Variants in MAP3K1 observed in about 807,000 individuals in gnomAD.
The protein encoded by MAP3K1 is mitogen-activated protein kinase kinase kinase 1, also known as MAP/ERK kinase kinase 1.
A neutral mutation model predicts 144.2 loss-of-function variants in MAP3K1; 36 were observed. The observed-to-expected ratio is 0.25, with a 90% confidence interval of 0.19 to 0.33. The LOEUF (loss-of-function observed/expected upper bound fraction) is 0.33, where lower values mean the gene tolerates loss of function less well. Ranked by LOEUF, MAP3K1 falls within the 10% of genes least tolerant of loss-of-function variation. The pLI, the probability that MAP3K1 is intolerant of heterozygous loss-of-function variation, is 1.00. For missense variants in MAP3K1, 1,650 were observed against 1,881.9 expected, an observed-to-expected ratio of 0.88 and a Z score of 2.28; for synonymous variants, 718 against 688.7, an observed-to-expected ratio of 1.04 and a Z score of -0.67.
chr5:56,855,864 G>A (rs1285353054), intron 1 of MAP3K1, among the ~76,000 whole-genome samples: 1 of 152,144 alleles, frequency 6.6e-6, no homozygotes, highest in Non-Finnish European at 1.5e-5. Context: ...TGCATATCGT[G>A]TATGCATGTA....
intron 1 of MAP3K1, among the ~76,000 whole-genome samples, chr5:56,840,961 C>T (rs546161332): frequency 5.3e-5 from 8 of 151,664 alleles, no homozygotes; most frequent in South Asian, 4.2e-4. Context: ...CTGTAACCTC[C>T]GCTTCCCGAG....
At chr5:56,859,079 A>C (rs541450139) in intron 2 of MAP3K1, among the ~76,000 whole-genome samples, 94 of 151,924 alleles carry the variant, frequency 6.2e-4, no homozygotes, top group African/African-American at 2.2e-3. Context: ...AAAAAAAAAA[A>C]AAAAAGGCAG....
intron 5 of MAP3K1, 53 bp downstream of exon 5, chr5:56,865,509 A>G: frequency 9.5e-7 from 1 of 1,051,666 alleles, no homozygotes. Flanking sequence ...CTTAGGATAT[A>G]TTCTTAAAAT....
At chr5:56,834,347 T>C (rs1746581232) in intron 1 of MAP3K1, among the ~76,000 whole-genome samples, 1 of 152,228 alleles carries the variant, frequency 6.6e-6, no homozygotes, top group South Asian at 2.1e-4. Context: ...AGTTATTGAT[T>C]ACTTGTAGCT....
At chr5:56,825,286 T>G (rs1172934201) in intron 1 of MAP3K1, among the ~76,000 whole-genome samples, 1 of 152,198 alleles carries the variant, frequency 6.6e-6, no homozygotes, top group Non-Finnish European at 1.5e-5. Context: ...GTGCTGAGAT[T>G]ACAGGTGTGA....
At chr5:56,829,693 A>G (rs1018366705) in intron 1 of MAP3K1, among the ~76,000 whole-genome samples, 10 of 152,208 alleles carry the variant, frequency 6.6e-5, no homozygotes, top group African/African-American at 2.4e-4. Context: ...CTGTGCTGCT[A>G]GCACGTGATT....
intron 1 of MAP3K1, among the ~76,000 whole-genome samples, chr5:56,833,671 T>G (rs1361764161): frequency 6.6e-6 from 1 of 152,170 alleles, no homozygotes; most frequent in Non-Finnish European, 1.5e-5. Flanking sequence ...GGAAAGCTGG[T>G]TTTCATTTCC....
chr5:56,820,330 T>TTCCACTAC, intron 1 of MAP3K1: 1 of 634,888 alleles, frequency 1.6e-6, no homozygotes, highest in South Asian at 7.0e-5. Context: ...GTCCATTTCT[T>TTCCACTAC]TCCACTACTC....
At chr5:56,817,097 T>A in intron 1 of MAP3K1, 1 of 985,436 alleles carries the variant, frequency 1.0e-6, no homozygotes, top group Non-Finnish European at 1.2e-6. Context: ...CTGGTGCATA[T>A]GAAGTACAGT....
chr5:56,816,257 G>T (rs1195363058), intron 1 of MAP3K1, among the ~76,000 whole-genome samples: 1 of 152,006 alleles, frequency 6.6e-6, no homozygotes, highest in East Asian at 1.9e-4. Context: ...ACCGGACGGG[G>T]ACGTGCGGAA....
At chr5:56,832,338 G>A (rs1214805789) in intron 1 of MAP3K1, among the ~76,000 whole-genome samples, 1 of 152,180 alleles carries the variant, frequency 6.6e-6, no homozygotes, top group Non-Finnish European at 1.5e-5. Context: ...TCCTACTTCA[G>A]TACAGTGCTG....
rs1455127720 is a variant in MAP3K1, at chr5:56,816,015, G to A, written c.442G>A (p.Ala148Thr). The A allele has an allele frequency of 4.1e-6, 5 of 1,224,600 alleles. No homozygotes were observed. Among genetic ancestry groups the A allele is most frequent in the Non-Finnish European group, 5.1e-6 (5 of 985,086 alleles). The allele number at this position is 1,224,600 out of a possible 1,614,324, so 75.9% of individuals were successfully genotyped here. A position where few individuals can be genotyped will look rare whatever the true frequency, so the allele number is the denominator to read the frequency against. ...PAAAEPGEKR[A>T]PAAEPSPAAA... is the part of the protein sequence containing the mutation. ...AGCGGCCGAGCCCGGGGAGAAGCGG[G>A]CGCCCGCCGCCGAGCCGTCTCCTGC... is the stretch of plus-strand genomic sequence containing the variant. The change falls in exon 1 of 20, where the codon GCG becomes ACG. Residue 148 changes from alanine (A) to threonine (T), a missense_variant. Coordinates refer to ENST00000399503, the MANE Select transcript of MAP3K1 (RefSeq NM_005921.2).
intron 10 of MAP3K1, among the ~76,000 whole-genome samples, 170 bp downstream of exon 10, chr5:56,875,480 A>C (rs1747996015): frequency 6.6e-6 from 1 of 152,076 alleles, no homozygotes; most frequent in Admixed American, 6.6e-5. Flanking sequence ...TGTTTATTTG[A>C]ATTTTACTGA....
At chr5:56,834,759 G>A (rs1746596546) in intron 1 of MAP3K1, among the ~76,000 whole-genome samples, 1 of 152,110 alleles carries the variant, frequency 6.6e-6, no homozygotes. Flanking sequence ...CTTTAAGAAA[G>A]CCTTTTAAAT....
Position 56,849,326 on chromosome 5 carries a change from G to A in MAP3K1, c.483-7274G>A, listed in dbSNP as rs79680501. On this transcript the variant is annotated intron_variant, in intron 1 of 19. Transcript: ENST00000399503. ...ATTGCGCCACTGCACTCCAGCCTGG[G>A]CGTCAGAGCCAAACCCTCTCTGTCT... Among the ~76,000 whole-genome samples the A allele has an allele frequency of 9.6e-3, 1,450 of 151,088 alleles. 34 individuals carry two copies. The highest frequency in any genetic ancestry group is 0.034 in the African/African-American group (1,387 of 41,156).
At chr5:56,890,961 G>T (rs573079608) in intron 19 of MAP3K1, among the ~76,000 whole-genome samples, 1 of 151,978 alleles carries the variant, frequency 6.6e-6, no homozygotes, top group Admixed American at 6.6e-5. Context: ...TGGGAGGATC[G>T]CTTGAGCCCA....
intron 19 of MAP3K1, among the ~76,000 whole-genome samples, chr5:56,888,849 C>T (rs547796564): frequency 4.6e-5 from 7 of 152,184 alleles, no homozygotes; most frequent in Non-Finnish European, 1.0e-4. Flanking sequence ...GGGTTTATCA[C>T]GACATAACCT....
intron 18 of MAP3K1, 142 bp downstream of exon 18, chr5:56,887,662 A>G: frequency 1.1e-6 from 1 of 875,250 alleles, no homozygotes; most frequent in Non-Finnish European, 1.9e-6. Flanking sequence ...TTTTAATAAT[A>G]TCTTTCAGAC....
chr5:56,894,759 T>TG lies in MAP3K1; in HGVS notation c.*1081dup, dbSNP rs1561208534. On this transcript the variant is annotated 3_prime_UTR_variant, in exon 20 of 20. Coordinates refer to ENST00000399503, the MANE Select transcript of MAP3K1 (RefSeq NM_005921.2). ...ATGCATCATCTCTTTACAGTAGGCC[T>TG]GGCAGATCATTTTTTAAAAAGATTA... 2.2e-5 allele frequency: 5 copies of TG among 232,174 alleles called. No individual in the cohort carries two copies. Among genetic ancestry groups the TG allele is most frequent in the African/African-American group, 1.1e-4 (5 of 45,320 alleles). 14.4% of individuals were successfully genotyped at this position (232,174 alleles called of 1,614,324 possible).
Sources: gnomAD v4.1 joint callset for allele counts (sites outside exome capture counted in the v4.1 genomes callset) on GRCh38, gnomAD v4.1.1 for gene constraint, MANE v1.5 for transcripts, NCBI Gene and HGNC (gene_info 2026-07-23, HGNC 2026-07-21) for gene names.